Variants in SLMAP observed in about 807,000 individuals in gnomAD.
SLMAP encodes sarcolemma associated protein.
Under a neutral mutation model 128.8 loss-of-function variants are expected in SLMAP, and 44 were observed. The observed-to-expected ratio is 0.34, with a 90% confidence interval of 0.27 to 0.44. SLMAP has a LOEUF of 0.44. Ranked by LOEUF, SLMAP falls within the 20% of genes least tolerant of loss-of-function variation. The pLI is 1.00. For missense variants in SLMAP, 787 were observed against 985.3 expected, an observed-to-expected ratio of 0.80 and a Z score of 2.69; for synonymous variants, 327 against 348.8, an observed-to-expected ratio of 0.94 and a Z score of 0.70.
rs373801756 is a variant in SLMAP at position 57,820,337 on chromosome 3, A to G, written c.199-11046A>G. ...CTAAAAGATTGAGTTTGAGATCACT[A>G]TCTGTTCTTTAGTATCAGTTAAGTA... On this transcript the variant is annotated intron_variant, in intron 2 of 24. Coordinates refer to ENST00000671191, the MANE Select transcript of SLMAP (RefSeq NM_001377540.1). Among the ~76,000 whole-genome samples the G allele has an allele frequency of 1.3e-4, 20 of 152,266 alleles. No homozygotes were observed. In the East Asian group the frequency reaches 2.7e-3, roughly 21 times the overall value.
chr3:57,866,788 G>A (rs1287520180), intron 13 of SLMAP, among the ~76,000 whole-genome samples: 1 of 152,060 alleles, frequency 6.6e-6, no homozygotes, highest in African/African-American at 2.4e-5. Context: ...GGAGGCTGAG[G>A]TGGGAGGATC....
In SLMAP at chr3:57,896,557, T is replaced by C. The variant is rs191693100; in HGVS notation, c.1407T>C (p.Ser469=). The change falls in exon 16 of 25, where the codon AGT becomes AGC. Residue 469 remains serine, a synonymous_variant. Coordinates refer to ENST00000671191, the MANE Select transcript of SLMAP (RefSeq NM_001377540.1). ...AATCTGATTTTTCAGATACTCTGAG[T>C]CCAAGCAAGGAAAAAAGCAGTGACG... ...AKESDFSDTL[S]PSKEKSSDDT... 3.7e-6 allele frequency: 6 copies of C among 1,610,874 alleles called. No individual in the cohort carries two copies. In the African/African-American group the frequency reaches 8.0e-5, roughly 22 times the overall value.
chr3:57,857,023 T>C (rs560086645), intron 6 of SLMAP, among the ~76,000 whole-genome samples: 1 of 152,256 alleles, frequency 6.6e-6, no homozygotes, highest in African/African-American at 2.4e-5. Context: ...TGCATAGATA[T>C]ATGTCTACAT....
At chr3:57,908,489 G>A (rs1047718748) in intron 18 of SLMAP, among the ~76,000 whole-genome samples, 2 of 152,120 alleles carry the variant, frequency 1.3e-5, no homozygotes, top group Non-Finnish European at 2.9e-5. Context: ...ATGAGAAAGG[G>A]AATGACTTCT....
At chr3:57,849,533 G>C (rs1035976938) in intron 5 of SLMAP, among the ~76,000 whole-genome samples, 1 of 152,140 alleles carries the variant, frequency 6.6e-6, no homozygotes. Flanking sequence ...AAAATATGTG[G>C]ATCTGTTGAT....
intron 2 of SLMAP, among the ~76,000 whole-genome samples, chr3:57,787,803 A>G (rs528386365): frequency 3.3e-5 from 5 of 152,322 alleles, no homozygotes; most frequent in African/African-American, 1.2e-4. Context: ...AGCATCTCCT[A>G]TGTGGCATAT....
chr3:57,840,881 T>G (rs1249477440), intron 3 of SLMAP, among the ~76,000 whole-genome samples: 1 of 152,122 alleles, frequency 6.6e-6, no homozygotes, highest in Admixed American at 6.6e-5. Context: ...CTTTAGAGTT[T>G]TGTGAGGTGT....
chr3:57,806,998 C>T (rs756589844), intron 2 of SLMAP, among the ~76,000 whole-genome samples: 2 of 152,156 alleles, frequency 1.3e-5, no homozygotes, highest in African/African-American at 2.4e-5. Context: ...TAAAAGTGTT[C>T]CTGTTTCTCC....
At position 57,896,556 on chromosome 3, in the gene SLMAP, G is replaced by A. The variant is rs760625602; in HGVS notation, c.1406G>A (p.Ser469Asn). 7 of 1,610,668 alleles carry A rather than the reference G, an allele frequency of 4.3e-6. No individual in the cohort carries two copies. The highest frequency in any genetic ancestry group is 1.6e-4 in the Middle Eastern group (1 of 6,066). ...GAATCTGATTTTTCAGATACTCTGA[G>A]TCCAAGCAAGGAAAAAAGCAGTGAC... ...AKESDFSDTLSPSKEKSSDDT... is the reference protein window; with the variant it reads ...AKESDFSDTLNPSKEKSSDDT... Residue 469 changes from serine to asparagine, a missense_variant, in exon 16 of 25, where the codon AGT becomes AAT. By Grantham distance (46) the Ser-to-Asn change is conservative (BLOSUM62 1). Around this residue, in one of 2 missense-constraint regions of SLMAP, gnomAD observed 715 missense variants for 843.6 expected, o/e 0.85. Transcript: ENST00000671191.
chr3:57,763,639 G>A (rs1478957318), intron 2 of SLMAP, among the ~76,000 whole-genome samples: 1 of 152,072 alleles, frequency 6.6e-6, no homozygotes, highest in Non-Finnish European at 1.5e-5. Context: ...AGTGGTAAAG[G>A]GGGAGAAAAT....
At chr3:57,810,812 C>A (rs1297034660) in intron 2 of SLMAP, among the ~76,000 whole-genome samples, 2 of 152,184 alleles carry the variant, frequency 1.3e-5, no homozygotes, top group African/African-American at 2.4e-5. Context: ...ATCACTTTCT[C>A]TTGGTTCTTT....
At chr3:57,758,169 C>G (rs2077932771) in intron 2 of SLMAP, among the ~76,000 whole-genome samples, 1 of 152,156 alleles carries the variant, frequency 6.6e-6, no homozygotes, top group African/African-American at 2.4e-5. Context: ...AAGGTGAATT[C>G]ACAGTTCAGC....
intron 17 of SLMAP, 142 bp from the exon 18 acceptor site, chr3:57,907,742 A>C (rs1340860833): frequency 4.8e-6 from 3 of 620,184 alleles, no homozygotes; most frequent in Non-Finnish European, 7.8e-6. Flanking sequence ...AATGCTTACT[A>C]TAATTTGCTT....
At chr3:57,806,733 C>T (rs548409917) in intron 2 of SLMAP, among the ~76,000 whole-genome samples, 149 of 152,244 alleles carry the variant, frequency 9.8e-4, no homozygotes, top group Non-Finnish European at 1.6e-3. Flanking sequence ...AGCCACCATG[C>T]CTGTACCACA....
intron 2 of SLMAP, among the ~76,000 whole-genome samples, chr3:57,776,517 T>C (rs2081964773): frequency 8.2e-6 from 1 of 122,050 alleles, no homozygotes; most frequent in Non-Finnish European, 1.7e-5. Context: ...TCTCTCTCTC[T>C]CTCTCTTTTT....
At chr3:57,824,666 T>C (rs908482171) in intron 2 of SLMAP, among the ~76,000 whole-genome samples, 2 of 152,258 alleles carry the variant, frequency 1.3e-5, no homozygotes, top group Non-Finnish European at 2.9e-5. Flanking sequence ...GTAGTAAGTT[T>C]TGAATTCAGG....
chr3:57,824,691 C>T (rs1291700874), intron 2 of SLMAP, among the ~76,000 whole-genome samples: 1 of 152,166 alleles, frequency 6.6e-6, no homozygotes, highest in Non-Finnish European at 1.5e-5. Context: ...ATGCATCTTC[C>T]AACTTTGTTC....
chr3:57,814,266 C>T (rs1295490595), intron 2 of SLMAP, among the ~76,000 whole-genome samples: 2 of 151,944 alleles, frequency 1.3e-5, no homozygotes, highest in South Asian at 2.1e-4. Context: ...CATGGGTCAT[C>T]GCAGCTTCAA....
Position 57,907,749 on chromosome 3 carries a change from G to C in SLMAP, c.1502-135G>C. ...ACTACTAAAATGCTTACTATAATTT[G>C]CTTCTAAGTTTTATTTAACTCAGTT... On this transcript the variant is annotated intron_variant, in intron 17 of 24. Transcript: ENST00000671191. 2 of 653,568 alleles carry C rather than the reference G, an allele frequency of 3.1e-6. 1 individual carries two copies. Among genetic ancestry groups the C allele is most frequent in the Non-Finnish European group, 4.8e-6 (2 of 417,686 alleles). 40.5% of individuals were successfully genotyped at this position (653,568 alleles called of 1,614,324 possible).
Sources: gnomAD v4.1 joint callset for allele counts (sites outside exome capture counted in the v4.1 genomes callset) on GRCh38, gnomAD v4.1.1 for gene constraint, gnomAD v4.1.1 regional missense constraint, MANE v1.5 for transcripts, NCBI Gene and HGNC (gene_info 2026-07-23, HGNC 2026-07-21) for gene names.